Variants in CDH13 observed in about 807,000 individuals in gnomAD.
CDH13 encodes the protein cadherin-13.
CDH13 carries 24 observed loss-of-function variants against 63.8 expected under a neutral mutation model. The observed-to-expected ratio is 0.38, with a 90% confidence interval of 0.27 to 0.53. CDH13 has a LOEUF of 0.53. CDH13 is among the 20% of genes least tolerant of loss of function. CDH13 has a pLI of 0.85. For synonymous variants in CDH13, 503 were observed against 355.3 expected (o/e 1.42, Z -4.67); for missense variants, 1,049 against 903.1 (o/e 1.16, Z -2.07).
chr16:83,583,226 A>G (rs371412511), intron 7 of CDH13, among the ~76,000 whole-genome samples: 8 of 152,306 alleles, frequency 5.3e-5, no homozygotes, highest in African/African-American at 1.9e-4. Context: ...CAGCTAATCC[A>G]AAATCATCTC....
chr16:83,195,017 C>T (rs138406405), intron 4 of CDH13, among the ~76,000 whole-genome samples: 105 of 152,278 alleles, frequency 6.9e-4, no homozygotes, highest in African/African-American at 2.4e-3. Context: ...ATAGAAATAA[C>T]CATAAAACAT....
At chr16:83,344,007 T>A (rs1319825751) in intron 5 of CDH13, among the ~76,000 whole-genome samples, 1 of 152,200 alleles carries the variant, frequency 6.6e-6, no homozygotes, top group Non-Finnish European at 1.5e-5. Flanking sequence ...TTGCTCAAGG[T>A]CACACAGATA....
chr16:83,272,444 CACTTACT>C (rs1264443825), intron 5 of CDH13, among the ~76,000 whole-genome samples: 1 of 152,182 alleles, frequency 6.6e-6, no homozygotes, highest in Non-Finnish European at 1.5e-5. Flanking sequence ...CTGCAGTTAG[CACTTACT>C]ACTTAATACC....
intron 3 of CDH13, among the ~76,000 whole-genome samples, chr16:83,106,833 C>A (rs2034788730): frequency 6.6e-6 from 1 of 152,070 alleles, no homozygotes; most frequent in African/African-American, 2.4e-5. Context: ...AATAAATTTA[C>A]TTTTCTTCTG....
At chr16:83,390,604 C>T (rs1055516629) in intron 6 of CDH13, among the ~76,000 whole-genome samples, 4 of 152,004 alleles carry the variant, frequency 2.6e-5, no homozygotes, top group African/African-American at 9.7e-5. Context: ...CAAGAATATG[C>T]CTCCAAGCCA....
At chr16:83,699,557 A>G (rs1002714249) in intron 10 of CDH13, among the ~76,000 whole-genome samples, 10 of 151,956 alleles carry the variant, frequency 6.6e-5, no homozygotes, top group Non-Finnish European at 1.3e-4. Context: ...AGCTGTCTCA[A>G]TCTCCTGCCT....
At chr16:83,504,761 G>T (rs750110628) in intron 7 of CDH13, among the ~76,000 whole-genome samples, 57 of 152,284 alleles carry the variant, frequency 3.7e-4, no homozygotes, top group Middle Eastern at 6.8e-3. Context: ...TCTGGTGTCT[G>T]CTTGGTGACA....
intron 12 of CDH13, among the ~76,000 whole-genome samples, chr16:83,782,071 T>G (rs1183150317): frequency 6.6e-6 from 1 of 152,214 alleles, no homozygotes; most frequent in Non-Finnish European, 1.5e-5. Context: ...GTAATGATCA[T>G]GCTTCATGTA....
intron 4 of CDH13, among the ~76,000 whole-genome samples, chr16:83,140,662 C>A (rs1193723485): frequency 6.6e-6 from 1 of 152,096 alleles, no homozygotes; most frequent in Non-Finnish European, 1.5e-5. Context: ...GCCATGTTGG[C>A]CAGGCTTGTC....
intron 2 of CDH13, among the ~76,000 whole-genome samples, chr16:83,014,788 ATT>A (rs1363596400): frequency 8.4e-5 from 6 of 71,390 alleles, no homozygotes; most frequent in South Asian, 3.8e-4. Flanking sequence ...ATATATATAT[ATT>A]TGTATATATA....
At chr16:82,828,926 GACA>G (rs879675276) in intron 1 of CDH13, among the ~76,000 whole-genome samples, 18 of 152,106 alleles carry the variant, frequency 1.2e-4, no homozygotes, top group Non-Finnish European at 1.9e-4. Flanking sequence ...GATACCAAGG[GACA>G]ATTGTGCTAA....
At chr16:83,094,803 G>A (rs747214721) in intron 3 of CDH13, among the ~76,000 whole-genome samples, 1 of 152,126 alleles carries the variant, frequency 6.6e-6, no homozygotes, top group African/African-American at 2.4e-5. Context: ...GTCAAGGCGT[G>A]GGCATACGCA....
In CDH13 at chr16:83,014,172, T is replaced by C. The variant is rs560287424; in HGVS notation, c.158-17838T>C. On this transcript the variant is annotated intron_variant, in intron 2 of 13. Coordinates refer to ENST00000567109, the MANE Select transcript of CDH13 (RefSeq NM_001257.5). ...AAAAAAGGAAATAGAATTGCCGATA[T>C]TATAAAACAATCTCTAACCTTCCCA... is the stretch of plus-strand genomic sequence containing the variant. 2.6e-5 allele frequency among the ~76,000 whole-genome samples: 4 copies of C among 152,150 alleles called. No individual in the cohort carries two copies. The South Asian group carries it at 8.3e-4, about 32-fold the overall frequency.
intron 4 of CDH13, among the ~76,000 whole-genome samples, chr16:83,192,715 G>C (rs1009846815): frequency 6.6e-6 from 1 of 152,122 alleles, no homozygotes; most frequent in Non-Finnish European, 1.5e-5. Flanking sequence ...CGTTCCCATG[G>C]CTGTGAATTC....
intron 6 of CDH13, among the ~76,000 whole-genome samples, chr16:83,444,677 G>A (rs1303705932): frequency 6.6e-6 from 1 of 152,170 alleles, no homozygotes; most frequent in Non-Finnish European, 1.5e-5. Context: ...ATAGTAACTG[G>A]CGAGCTGGAG....
At chr16:83,577,955 C>T (rs1905205204) in intron 7 of CDH13, among the ~76,000 whole-genome samples, 1 of 152,004 alleles carries the variant, frequency 6.6e-6, no homozygotes, top group Non-Finnish European at 1.5e-5. Flanking sequence ...ACCTTTTCCA[C>T]AAAAATGAGA....
chr16:83,391,930 C>T (rs1366978289), intron 6 of CDH13, among the ~76,000 whole-genome samples: 1 of 151,844 alleles, frequency 6.6e-6, no homozygotes, highest in Non-Finnish European at 1.5e-5. Context: ...GATTTTTTTT[C>T]TCCCCCACCC....
intron 8 of CDH13, among the ~76,000 whole-genome samples, chr16:83,666,959 C>T (rs1914018906): frequency 6.6e-6 from 1 of 151,996 alleles, no homozygotes; most frequent in African/African-American, 2.4e-5. Flanking sequence ...GGAAATATAT[C>T]ATGTCTGTTT....
intron 8 of CDH13, among the ~76,000 whole-genome samples, chr16:83,621,460 T>TCTCAC (rs1909805327): frequency 7.5e-6 from 1 of 133,546 alleles, no homozygotes; most frequent in Non-Finnish European, 1.6e-5. Context: ...GCCCTCTTGC[T>TCTCAC]CTCACCTCAC....
Sources: allele counts gnomAD v4.1 joint callset (sites outside exome capture counted in the v4.1 genomes callset), GRCh38; gene constraint gnomAD v4.1.1; transcripts MANE v1.5; gene names NCBI Gene and HGNC (gene_info 2026-07-23, HGNC 2026-07-21).